The following VEPH1 variants were observed in gnomAD, a reference collection of about 807,000 sequenced individuals.
VEPH1 encodes the protein ventricular zone-expressed PH domain-containing protein homolog 1.
Under a neutral mutation model 85.2 loss-of-function variants are expected in VEPH1, and 80 were observed. That is an observed-to-expected ratio of 0.94 (90% CI 0.78 to 1.13). The LOEUF (loss-of-function observed/expected upper bound fraction) is 1.13, where lower values mean the gene tolerates loss of function less well. Ranked by LOEUF, VEPH1 falls within the 50% of genes most tolerant of loss-of-function variation. The pLI is 0.00. For synonymous variants in VEPH1, 297 were observed against 348.0 expected (o/e 0.85, Z 1.63); for missense variants, 955 against 980.5 (o/e 0.97, Z 0.35).
At position 157,305,406 on chromosome 3, in the gene VEPH1, G is replaced by A. The variant is rs9880234; in HGVS notation, c.2010+8215C>T. ...ATTACAGGCGTGAGCCACCGCGCCC[G>A]GCCTCTATCTGTCTTAAAAATATTC... On this transcript the variant is annotated intron_variant, in intron 11 of 13. Transcript: ENST00000362010. Among the ~76,000 whole-genome samples the A allele has an allele frequency of 5.1e-3, 780 of 152,194 alleles. 9 individuals carry two copies. The highest frequency in any genetic ancestry group is 0.018 in the African/African-American group (742 of 41,526).
At chr3:157,319,859 A>G (rs1192887355) in intron 9 of VEPH1, among the ~76,000 whole-genome samples, 1 of 152,226 alleles carries the variant, frequency 6.6e-6, no homozygotes, top group South Asian at 2.1e-4. Context: ...TCAAAGTAGT[A>G]TAAGAGAGAG....
At chr3:157,304,164 G>A (rs903841502) in intron 11 of VEPH1, among the ~76,000 whole-genome samples, 9 of 151,718 alleles carry the variant, frequency 5.9e-5, no homozygotes, top group African/African-American at 2.2e-4. Context: ...GGGAGCATCA[G>A]AAAGTCTCCT....
At chr3:157,307,890 A>T (rs1037331167) in intron 11 of VEPH1, among the ~76,000 whole-genome samples, 3 of 151,634 alleles carry the variant, frequency 2.0e-5, no homozygotes, top group South Asian at 2.1e-4. Context: ...ATATTAAAAA[A>T]TTTTTTATCA....
chr3:157,460,241 T>G lies in VEPH1; in HGVS notation c.469A>C (p.Ile157Leu). 1 of 1,614,210 alleles carries G rather than the reference T, an allele frequency of 6.2e-7. No individual in the cohort carries two copies. Among genetic ancestry groups the G allele is most frequent in the Non-Finnish European group, 8.5e-7 (1 of 1,180,042 alleles). Reference protein sequence around the residue: ...NMSNYLSLAAITKADLLADHT... With the variant: ...NMSNYLSLAALTKADLLADHT... The stretch of plus-strand genomic sequence containing the variant: ...TCAGCCAGGAGATCTGCCTTGGTAA[T>G]TGCAGCCAGAGACAGGTAGTTAGAC... The change falls in exon 4 of 14, where the codon ATT (isoleucine) becomes CTT (leucine). Residue 157 changes from isoleucine (I) to leucine (L), a missense_variant. Coordinates refer to ENST00000362010, the MANE Select transcript of VEPH1 (RefSeq NM_001167912.2).
chr3:157,367,730 C>T (rs187354086), intron 7 of VEPH1, among the ~76,000 whole-genome samples: 215 of 152,274 alleles, frequency 1.4e-3, no homozygotes, highest in African/African-American at 5.0e-3. Context: ...AGGCTGGCCT[C>T]AAACATCTGG....
intron 9 of VEPH1, among the ~76,000 whole-genome samples, chr3:157,358,645 A>T (rs1027724335): frequency 1.3e-5 from 2 of 152,234 alleles, no homozygotes; most frequent in Non-Finnish European, 2.9e-5. Flanking sequence ...ACTTGACTAC[A>T]TGCACATTTT....
At chr3:157,481,467 A>ACACACAC (rs60293047) in intron 2 of VEPH1, among the ~76,000 whole-genome samples, 441 of 53,222 alleles carry the variant, frequency 8.3e-3, no homozygotes, top group Non-Finnish European at 9.6e-3. Flanking sequence ...CACACACACA[A>ACACACAC]AAAAAAAAAA....
At chr3:157,338,253 T>G (rs1176297871) in intron 9 of VEPH1, among the ~76,000 whole-genome samples, 1 of 152,222 alleles carries the variant, frequency 6.6e-6, no homozygotes, top group Non-Finnish European at 1.5e-5. Context: ...TCCTCAAATA[T>G]GCAACAAATT....
chr3:157,366,362 G>A (rs1392660973), intron 7 of VEPH1, among the ~76,000 whole-genome samples: 1 of 151,828 alleles, frequency 6.6e-6, no homozygotes, highest in East Asian at 1.9e-4. Context: ...TTTCCCTAAG[G>A]GCCAAAGTGA....
intron 4 of VEPH1, among the ~76,000 whole-genome samples, chr3:157,451,940 G>A (rs1735002188): frequency 6.6e-6 from 1 of 152,146 alleles, no homozygotes; most frequent in South Asian, 2.1e-4. Context: ...AGAATTAAAA[G>A]TAAGTACTTG....
chr3:157,317,404 A>G (rs1250485967), intron 9 of VEPH1, among the ~76,000 whole-genome samples: 2 of 152,194 alleles, frequency 1.3e-5, no homozygotes, highest in African/African-American at 2.4e-5. Context: ...TATTATTATT[A>G]TTGTTTTAAT....
At chr3:157,281,946 C>T (rs2108348526) in intron 12 of VEPH1, among the ~76,000 whole-genome samples, 1 of 152,238 alleles carries the variant, frequency 6.6e-6, no homozygotes, top group East Asian at 1.9e-4. Flanking sequence ...GCCTTATGGG[C>T]TAGGTCCTCT....
chr3:157,473,124 G>A (rs1256314023), intron 2 of VEPH1, among the ~76,000 whole-genome samples: 1 of 139,578 alleles, frequency 7.2e-6, no homozygotes, highest in African/African-American at 2.7e-5. Context: ...CCAGGCTGGA[G>A]TGCAGTGGTG....
chr3:157,481,472 A>C (rs1318842854), intron 2 of VEPH1, among the ~76,000 whole-genome samples: 3,328 of 139,142 alleles, frequency 0.024, 168 homozygotes, highest in African/African-American at 0.087. Flanking sequence ...ACACAAAAAA[A>C]AAAAAAAAAA....
rs566445161 is a variant in VEPH1, at chr3:157,496,886, CT to C, written c.-157-1381del. Among the ~76,000 whole-genome samples, 612 of 152,308 alleles carry C rather than the reference CT, an allele frequency of 4.0e-3. 3 individuals are homozygous for C. Among genetic ancestry groups the C allele is most frequent in the Middle Eastern group, 0.01 (3 of 294 alleles). ...TCTCTATATGCAATTTTTGTACTAT[CT>C]ACCAGCTTTTGAAAAATGAAGCCTA... On this transcript the variant is annotated intron_variant, in intron 1 of 13. Coordinates refer to ENST00000362010, the MANE Select transcript of VEPH1 (RefSeq NM_001167912.2).
intron 11 of VEPH1, among the ~76,000 whole-genome samples, chr3:157,308,372 G>A (rs1165519333): frequency 6.6e-6 from 1 of 151,844 alleles, no homozygotes; most frequent in Non-Finnish European, 1.5e-5. Flanking sequence ...TCTCTTTTAT[G>A]TAGGCTTTTT....
chr3:157,482,387 G>A (rs930820351), intron 2 of VEPH1, among the ~76,000 whole-genome samples: 6 of 152,036 alleles, frequency 3.9e-5, no homozygotes, highest in African/African-American at 1.4e-4. Flanking sequence ...ACCAGGCCCA[G>A]TTAATTTTTT....
chr3:157,455,427 CTT>C (rs35417902), intron 4 of VEPH1, among the ~76,000 whole-genome samples: 61 of 150,364 alleles, frequency 4.1e-4, no homozygotes, highest in Non-Finnish European at 7.2e-4. Flanking sequence ...CCTTTGCCGC[CTT>C]TTTTTTTCTT....
intron 2 of VEPH1, 96 bp from the exon 3 acceptor site, chr3:157,470,625 C>T: frequency 8.3e-7 from 1 of 1,207,124 alleles, no homozygotes; most frequent in Non-Finnish European, 1.2e-6. Context: ...AATGGGTGCA[C>T]CAGGCTGTGT....
Sources: gnomAD v4.1 joint callset for allele counts (sites outside exome capture counted in the v4.1 genomes callset) on GRCh38, gnomAD v4.1.1 for gene constraint, MANE v1.5 for transcripts, NCBI Gene and HGNC (gene_info 2026-07-23, HGNC 2026-07-21) for gene names.